The following CHRDL1 variants were observed in gnomAD, a reference collection of about 807,000 sequenced individuals.
The protein encoded by CHRDL1 is chordin-like protein 1.
In CHRDL1, 19 loss-of-function variants were observed where a neutral mutation model predicts 40.9. The observed-to-expected ratio is 0.46, with a 90% confidence interval of 0.32 to 0.68. The LOEUF (loss-of-function observed/expected upper bound fraction) is 0.68. Ranked by LOEUF, CHRDL1 falls within the 30% of genes least tolerant of loss-of-function variation. The pLI, the probability that CHRDL1 is intolerant of heterozygous loss-of-function variation, is 0.03. For synonymous variants in CHRDL1, 136 were observed against 123.4 expected, an observed-to-expected ratio of 1.10 and a Z score of -0.68; for missense variants, 329 against 352.1, an observed-to-expected ratio of 0.93 and a Z score of 0.53.
At chrX:110,686,248 G>A (rs1441603162) in intron 9 of CHRDL1, among the ~76,000 whole-genome samples, 1 of 110,888 alleles carries the variant, frequency 9.0e-6, no homozygotes, top group African/African-American at 3.3e-5. Context: ...TGTTTTAAAA[G>A]CAATGACTGT....
intron 2 of CHRDL1, among the ~76,000 whole-genome samples, chrX:110,785,651 GA>G (rs766216055): frequency 9.0e-6 from 1 of 111,487 alleles, no homozygotes; most frequent in Admixed American, 9.5e-5. Context: ...ACTGAGCTTA[GA>G]AAAAAAGACT....
At position 110,704,099 on chromosome X, in the gene CHRDL1, TG is replaced by T. The variant is rs1389157296; in HGVS notation, c.542-3379del. On this transcript the variant is annotated intron_variant, in intron 6 of 11. Transcript: ENST00000372042. ...TGACTATAGTCAATAATAACTTACTTGTACATTTTAAAATAACTTAAAGAGT... is the reference window on the plus strand; with the variant it reads ...TGACTATAGTCAATAATAACTTACTTTACATTTTAAAATAACTTAAAGAGT... Among the ~76,000 whole-genome samples the T allele has an allele frequency of 2.7e-5, 3 of 111,335 alleles. No homozygotes were observed. In the East Asian group the frequency reaches 8.4e-4, roughly 31 times the overall value.
intron 4 of CHRDL1, among the ~76,000 whole-genome samples, chrX:110,743,637 A>G (rs1318992190): frequency 1.8e-5 from 2 of 111,954 alleles, no homozygotes; most frequent in East Asian, 5.6e-4. Context: ...AAGTCCTTAC[A>G]TGCTCCCTGC....
chrX:110,708,001 CT>C (rs1198024465), intron 6 of CHRDL1, among the ~76,000 whole-genome samples: 2 of 111,661 alleles, frequency 1.8e-5, no homozygotes, highest in African/African-American at 6.5e-5. Context: ...ACAGACACTT[CT>C]CAAAAGAAGA....
Position 110,707,495 on chromosome X carries a change from G to T in CHRDL1, c.542-6774C>A, listed in dbSNP as rs767600677. ...GCCTCAGAAATAATGCCACTTATCT[G>T]TAACCATCTGATCTTTGACAAACCT... On this transcript the variant is annotated intron_variant, in intron 6 of 11. Transcript: ENST00000372042. Among the ~76,000 whole-genome samples the T allele has an allele frequency of 1.1e-3, 121 of 111,468 alleles. 1 individual carries two copies. In the South Asian group the frequency reaches 0.045, roughly 42 times the overall value.
intron 1 of CHRDL1, among the ~76,000 whole-genome samples, chrX:110,795,396 AATACAGGCAGTG>A (rs1271264867): frequency 8.9e-6 from 1 of 112,021 alleles, no homozygotes; most frequent in Non-Finnish European, 1.9e-5. Context: ...CAGGCTCAGG[AATACAGGCAGTG>A]ATTAAGGGGA....
intron 2 of CHRDL1, among the ~76,000 whole-genome samples, chrX:110,777,754 G>A (rs778169860): frequency 1.8e-5 from 2 of 111,665 alleles, no homozygotes; most frequent in African/African-American, 6.5e-5. Context: ...TTGGATAACA[G>A]TCCTTTATCA....
intron 4 of CHRDL1, among the ~76,000 whole-genome samples, chrX:110,749,620 T>C (rs370241327): frequency 1.5e-4 from 17 of 111,698 alleles, no homozygotes; most frequent in Non-Finnish European, 3.2e-4. Flanking sequence ...AATGGAGTCC[T>C]GTGAGGAGGC....
At chrX:110,761,738 T>A (rs764561222) in intron 3 of CHRDL1, among the ~76,000 whole-genome samples, 1 of 112,435 alleles carries the variant, frequency 8.9e-6, no homozygotes, top group African/African-American at 3.2e-5. Flanking sequence ...GCCTAACATA[T>A]AATGGCAGAG....
intron 4 of CHRDL1, among the ~76,000 whole-genome samples, chrX:110,753,544 C>G (rs1326726393): frequency 1.8e-5 from 2 of 111,725 alleles, no homozygotes; most frequent in Admixed American, 9.5e-5. Flanking sequence ...TAAAATGATA[C>G]ATTTTATGTT....
At chrX:110,747,766 C>T (rs1299629613) in intron 4 of CHRDL1, among the ~76,000 whole-genome samples, 1 of 112,499 alleles carries the variant, frequency 8.9e-6, no homozygotes, top group Non-Finnish European at 1.9e-5. Flanking sequence ...GAGGTCAACT[C>T]ACCACCATGC....
intron 6 of CHRDL1, among the ~76,000 whole-genome samples, chrX:110,712,295 C>T (rs1042533365): frequency 1.1e-4 from 12 of 111,037 alleles, no homozygotes; most frequent in African/African-American, 3.3e-4. Context: ...GAGTAGGATG[C>T]GAATAGGTAG....
chrX:110,699,197 T>C (rs2070461658), intron 7 of CHRDL1, among the ~76,000 whole-genome samples: 2 of 111,904 alleles, frequency 1.8e-5, no homozygotes, highest in Admixed American at 1.9e-4. Flanking sequence ...ATAATACTGA[T>C]AGAGAGTAAG....
Position 110,761,517 on chromosome X carries a change from C to T in CHRDL1, c.207+1178G>A, listed in dbSNP as rs1380944116. The stretch of plus-strand genomic sequence containing the variant: ...TTCTCAATGCCTAGTACAAGGCCTC[C>T]CTTTCCAATTAGCCTAGTGCACCAC... On this transcript the variant is annotated intron_variant, in intron 3 of 11. Coordinates refer to ENST00000372042, the MANE Select transcript of CHRDL1 (RefSeq NM_001143981.2). 5.4e-5 allele frequency among the ~76,000 whole-genome samples: 6 copies of T among 111,682 alleles called. No individual in the cohort carries two copies. In the East Asian group the frequency reaches 1.4e-3, roughly 26 times the overall value.
At chrX:110,793,197 T>G (rs1002130260) in intron 1 of CHRDL1, among the ~76,000 whole-genome samples, 3 of 112,232 alleles carry the variant, frequency 2.7e-5, no homozygotes, top group African/African-American at 6.5e-5. Context: ...AAGTCCAACC[T>G]AAATATTGCA....
chrX:110,737,212 A>G (rs956407522), intron 4 of CHRDL1, among the ~76,000 whole-genome samples: 2 of 112,220 alleles, frequency 1.8e-5, no homozygotes, highest in Non-Finnish European at 3.8e-5. Flanking sequence ...ATTAGCCTTA[A>G]ATGGCTGCAG....
In CHRDL1 at chrX:110,776,498, A is replaced by G. The variant is rs1234176273; in HGVS notation, c.95-13691T>C. Among the ~76,000 whole-genome samples, 4 of 111,552 alleles carry G rather than the reference A, an allele frequency of 3.6e-5. No individual in the cohort carries two copies. The East Asian group carries it at 1.1e-3, about 31-fold the overall frequency. ...TTTATTTTTGAAAAATAAATTCTCT[A>G]AATACAGAATTCCAGATTGGTAGCC... On this transcript the variant is annotated intron_variant, in intron 2 of 11. Coordinates refer to ENST00000372042, the MANE Select transcript of CHRDL1 (RefSeq NM_001143981.2).
At chrX:110,700,808 C>A in intron 6 of CHRDL1, 87 bp from the exon 7 acceptor site, 1 of 622,366 alleles carries the variant, frequency 1.6e-6, no homozygotes, top group Non-Finnish European at 2.6e-6. Context: ...ATTTTTGGTA[C>A]TATGATCCCA....
At chrX:110,735,976 C>T (rs2071256591) in intron 4 of CHRDL1, among the ~76,000 whole-genome samples, 1 of 111,895 alleles carries the variant, frequency 8.9e-6, no homozygotes, top group African/African-American at 3.2e-5. Context: ...AAAAGTTATC[C>T]CCCAATGCAC....
Sources: gnomAD v4.1 joint callset for allele counts (sites outside exome capture counted in the v4.1 genomes callset) on GRCh38, gnomAD v4.1.1 for gene constraint, MANE v1.5 for transcripts, NCBI Gene and HGNC (gene_info 2026-07-23, HGNC 2026-07-21) for gene names.